Variants in WIPI2 observed in about 807,000 individuals in gnomAD.
The protein encoded by WIPI2 is WD repeat domain, phosphoinositide interacting 2, also known as WD repeat domain phosphoinositide-interacting protein 2.
In WIPI2, 28 loss-of-function variants were observed where a neutral mutation model predicts 52.3. That is an observed-to-expected ratio of 0.54 (90% confidence interval 0.40 to 0.73). The LOEUF (loss-of-function observed/expected upper bound fraction) is 0.73, where lower values mean the gene tolerates loss of function less well. WIPI2 is among the 30% of genes least tolerant of loss of function. The probability of loss-of-function intolerance (pLI) is 0.00; values close to 1 mark genes in which losing one functional copy is unlikely to be tolerated. For synonymous variants in WIPI2, 268 were observed against 245.0 expected (o/e 1.09, Z -0.88); for missense variants, 506 against 602.9 (o/e 0.84, Z 1.68).
At position 5,190,470 on chromosome 7, in the gene WIPI2, C is replaced by G; in HGVS notation, c.51C>G (p.Phe17Leu). The change falls in exon 1 of 13, where the codon TTC (phenylalanine) becomes TTG (leucine). Residue 17 changes from phenylalanine to leucine, a missense_variant. Transcript: ENST00000288828. Reference protein sequence around the residue: ...SGEAGAGQLLFANFNQDNTEV... With the variant: ...SGEAGAGQLLLANFNQDNTEV... ...AGGCCGGCGCCGGCCAGCTGCTCTT[C>G]GCCAACTTCAACCAGGACAACACGT... is the stretch of plus-strand genomic sequence containing the variant. The G allele has an allele frequency of 1.3e-6, 2 of 1,509,646 alleles. No homozygotes were observed. Among genetic ancestry groups the G allele is most frequent in the Non-Finnish European group, 1.8e-6 (2 of 1,128,938 alleles). 93.5% of individuals were successfully genotyped at this position (1,509,646 alleles called of 1,614,324 possible).
chr7:5,219,799 CTCCA>C (rs568705723), intron 7 of WIPI2, among the ~76,000 whole-genome samples: 4 of 151,866 alleles, frequency 2.6e-5, no homozygotes, highest in Non-Finnish European at 5.9e-5. Flanking sequence ...GTTTGTGTCC[CTCCA>C]TCCAGAGAGA....
At chr7:5,228,881 A>C (rs1783577330) in intron 11 of WIPI2, among the ~76,000 whole-genome samples, 1 of 152,034 alleles carries the variant, frequency 6.6e-6, no homozygotes, top group South Asian at 2.1e-4. Context: ...GGCACACAGC[A>C]CATCCAGCTA....
At chr7:5,190,638 C>A in intron 1 of WIPI2, 145 bp downstream of exon 1, 1 of 792,920 alleles carries the variant, frequency 1.3e-6, no homozygotes, top group Non-Finnish European at 1.7e-6. Flanking sequence ...CAGGGGCGGG[C>A]CCGGGGCGTG....
chr7:5,198,401 C>A (rs1054241990), intron 2 of WIPI2, among the ~76,000 whole-genome samples: 5 of 151,984 alleles, frequency 3.3e-5, no homozygotes, highest in African/African-American at 1.2e-4. Context: ...GCAGCCACCT[C>A]CTCCCAGGTT....
At position 5,229,695 on chromosome 7, in the gene WIPI2, T is replaced by A; in HGVS notation, c.1209T>A (p.Ala403=). ...CPLVTQTYGA[A]AGKGTYVPSS... is the part of the protein sequence containing the mutation. ...TAGTCACTCAGACATACGGCGCAGC[T>A]GCAGGAAAAGGTACTTACGTGCCTT... The change falls in exon 12 of 13, where the codon GCT becomes GCA. Residue 403 remains alanine, a synonymous_variant. Transcript: ENST00000288828. The A allele has an allele frequency of 6.2e-7, 1 of 1,614,106 alleles. No homozygotes were observed. The highest frequency in any genetic ancestry group is 8.5e-7 in the Non-Finnish European group (1 of 1,179,998).
At position 5,231,580 on chromosome 7, in the gene WIPI2, T is replaced by C. The variant is rs2115331710; in HGVS notation, c.*633T>C. 6.6e-6 allele frequency: 1 copy of C among 152,436 alleles called. No individual in the cohort carries two copies. Among genetic ancestry groups the C allele is most frequent in the Admixed American group, 6.5e-5 (1 of 15,300 alleles). 9.4% of individuals were successfully genotyped at this position (152,436 alleles called of 1,614,324 possible). On this transcript the variant is annotated 3_prime_UTR_variant, in exon 13 of 13. Coordinates refer to ENST00000288828, the MANE Select transcript of WIPI2 (RefSeq NM_015610.4). The stretch of plus-strand genomic sequence containing the variant: ...TTTGTTTCTGATCTTGTTTTCCCTG[T>C]GGATATTGGAGGACAGCGAGGTTCT...
At chr7:5,228,949 C>T (rs1783581425) in intron 11 of WIPI2, among the ~76,000 whole-genome samples, 1 of 152,116 alleles carries the variant, frequency 6.6e-6, no homozygotes, top group African/African-American at 2.4e-5. Flanking sequence ...AACTCCTAGG[C>T]TCAAGTGAGC....
intron 6 of WIPI2, chr7:5,217,398 G>A (rs1782869747): frequency 1.8e-6 from 1 of 559,386 alleles, no homozygotes. Flanking sequence ...TCAACCTCCT[G>A]GGCTCAATTG....
intron 7 of WIPI2, among the ~76,000 whole-genome samples, chr7:5,219,755 A>T (rs145688664): frequency 0.013 from 2,035 of 152,282 alleles, 18 homozygotes; most frequent in Non-Finnish European, 0.02. Flanking sequence ...TGCAGAAAAT[A>T]GTTCATTCTC....
At chr7:5,191,367 A>G (rs139832858) in intron 1 of WIPI2, among the ~76,000 whole-genome samples, 1 of 152,152 alleles carries the variant, frequency 6.6e-6, no homozygotes, top group African/African-American at 2.4e-5. Flanking sequence ...TTCTCCAGCA[A>G]GTAACAAACT....
Position 5,190,319 on chromosome 7 carries a change from C to T in WIPI2, c.-101C>T. ...ATCCCAGGGTGGCGAGTGGCGGCGA[C>T]CGAGGCGGCGAGCGGGGCCCGGCGC... On this transcript the variant is annotated 5_prime_UTR_variant, in exon 1 of 13. Transcript: ENST00000288828. 1 of 768,420 alleles carries T rather than the reference C, an allele frequency of 1.3e-6. No homozygotes were observed. Among genetic ancestry groups the T allele is most frequent in the Non-Finnish European group, 1.7e-6 (1 of 573,514 alleles). The allele number at this position is 768,420 out of a possible 1,614,324, so 47.6% of individuals were successfully genotyped here.
At chr7:5,197,125 A>AAC (rs1562384706) in intron 2 of WIPI2, among the ~76,000 whole-genome samples, 33 of 147,554 alleles carry the variant, frequency 2.2e-4, no homozygotes, top group South Asian at 8.4e-4. Context: ...AAACAAAAAA[A>AAC]AAAAAAAAAA....
At chr7:5,204,796 CCTT>C (rs979604288) in intron 3 of WIPI2, among the ~76,000 whole-genome samples, 4 of 152,088 alleles carry the variant, frequency 2.6e-5, no homozygotes, top group African/African-American at 9.7e-5. Context: ...TGATCCTCCC[CCTT>C]CTTGCATAGC....
chr7:5,191,452 G>C (rs1781481342), intron 1 of WIPI2, among the ~76,000 whole-genome samples: 1 of 152,202 alleles, frequency 6.6e-6, no homozygotes, highest in Non-Finnish European at 1.5e-5. Flanking sequence ...AGTGCCCCAG[G>C]AGTCTCAGAG....
rs1428787142 is a variant in WIPI2 at position 5,230,254 on chromosome 7, G to A, written c.1252+516G>A. 6.6e-6 allele frequency among the ~76,000 whole-genome samples: 1 copy of A among 152,090 alleles called. No individual in the cohort carries two copies. The highest frequency in any genetic ancestry group is 1.5e-5 in the Non-Finnish European group (1 of 68,018). On this transcript the variant is annotated intron_variant, in intron 12 of 12. Coordinates refer to ENST00000288828, the MANE Select transcript of WIPI2 (RefSeq NM_015610.4). The surrounding 1 kb of genome is among the most constrained non-coding windows in gnomAD (Gnocchi z 4.8). Reference sequence around the variant, plus strand: ...CTTCAGCAAATCTGCATCGAGTACTGCCTTCATGCTGGGCCTGTGAAGTGC... The same window carrying A: ...CTTCAGCAAATCTGCATCGAGTACTACCTTCATGCTGGGCCTGTGAAGTGC...
chr7:5,217,484 A>T, intron 6 of WIPI2: 1 of 407,968 alleles, frequency 2.5e-6, no homozygotes, highest in Admixed American at 3.7e-5. Flanking sequence ...TTTTGTAGAG[A>T]TGGAGTCTTG....
intron 2 of WIPI2, among the ~76,000 whole-genome samples, chr7:5,195,487 AAAAAATAAAT>A (rs1178134074): frequency 1.3e-5 from 2 of 152,248 alleles, no homozygotes; most frequent in African/African-American, 2.4e-5. Context: ...CCCTGTCTCA[AAAAAATAAAT>A]AAAAATAAAT....
chr7:5,226,792 A>G (rs1156722286), intron 9 of WIPI2: 1 of 145,760 alleles, frequency 6.9e-6, no homozygotes, highest in African/African-American at 2.6e-5. Context: ...CAACACAAAC[A>G]GGATACGGGA....
chr7:5,206,360 C>G (rs1782296284), intron 3 of WIPI2, among the ~76,000 whole-genome samples: 1 of 152,176 alleles, frequency 6.6e-6, no homozygotes, highest in African/African-American at 2.4e-5. Context: ...AAGAAAAAAT[C>G]ATTGAAGCAA....
Sources: gnomAD v4.1 joint callset for allele counts (sites outside exome capture counted in the v4.1 genomes callset) on GRCh38, gnomAD v4.1.1 for gene constraint, Gnocchi (gnomAD v3.1) non-coding constraint, MANE v1.5 for transcripts, NCBI Gene and HGNC (gene_info 2026-07-23, HGNC 2026-07-21) for gene names.